Variants in LRRTM4 observed in about 807,000 individuals in gnomAD.
LRRTM4 encodes the protein leucine-rich repeat transmembrane neuronal protein 4.
Under a neutral mutation model 47.6 loss-of-function variants are expected in LRRTM4, and 25 were observed. The ratio of observed to expected loss-of-function variants is 0.53; its 90% CI spans 0.38 to 0.73. LRRTM4 has a LOEUF of 0.73. LRRTM4 is among the 30% of genes least tolerant of loss of function. The pLI, the probability that LRRTM4 is intolerant of heterozygous loss-of-function variation, is 0.00. For synonymous variants in LRRTM4, 311 were observed against 269.5 expected (o/e 1.15, Z -1.51); for missense variants, 638 against 713.4 (o/e 0.89, Z 1.20).
chr2:77,381,788 C>A (rs769644997), intron 3 of LRRTM4, among the ~76,000 whole-genome samples: 1 of 151,966 alleles, frequency 6.6e-6, no homozygotes, highest in African/African-American at 2.4e-5. Flanking sequence ...TCTACAGCTA[C>A]ACATACACAT....
chr2:77,466,009 G>A (rs1676969693), intron 3 of LRRTM4, among the ~76,000 whole-genome samples: 1 of 152,144 alleles, frequency 6.6e-6, no homozygotes, highest in African/African-American at 2.4e-5. Context: ...CATTCATAGA[G>A]CATAATGCTT....
At chr2:76,801,497 C>T (rs1254227880) in intron 3 of LRRTM4, among the ~76,000 whole-genome samples, 1 of 151,870 alleles carries the variant, frequency 6.6e-6, no homozygotes, top group Non-Finnish European at 1.5e-5. Flanking sequence ...GAGAATATCA[C>T]ACTCTGGGGA....
intron 3 of LRRTM4, among the ~76,000 whole-genome samples, chr2:77,457,066 T>A (rs1407206092): frequency 1.6e-5 from 2 of 127,354 alleles, no homozygotes; most frequent in African/African-American, 2.8e-5. Context: ...AACCTGGAAC[T>A]CTTTGACAAG....
intron 3 of LRRTM4, among the ~76,000 whole-genome samples, chr2:77,218,514 A>ATTTC (rs1389811628): frequency 6.7e-6 from 1 of 150,194 alleles, no homozygotes. Context: ...TTATTTATTT[A>ATTTC]TTTATTTATT....
intron 3 of LRRTM4, among the ~76,000 whole-genome samples, chr2:76,982,037 A>G (rs1174519702): frequency 6.6e-6 from 1 of 152,032 alleles, no homozygotes; most frequent in East Asian, 1.9e-4. Flanking sequence ...TTTGCTAACA[A>G]AAGGATTGTG....
intron 3 of LRRTM4, among the ~76,000 whole-genome samples, chr2:77,225,581 G>A (rs1674782623): frequency 6.6e-6 from 1 of 152,044 alleles, no homozygotes; most frequent in African/African-American, 2.4e-5. Context: ...ATGGAATAGT[G>A]TTACTCTCAC....
chr2:77,306,737 T>A (rs999527790), intron 3 of LRRTM4, among the ~76,000 whole-genome samples: 31 of 151,512 alleles, frequency 2.0e-4, no homozygotes, highest in Non-Finnish European at 3.7e-4. Flanking sequence ...TTTTTCCTCC[T>A]CTCAATCAGT....
chr2:77,320,065 G>A (rs986722810), intron 3 of LRRTM4, among the ~76,000 whole-genome samples: 1 of 151,978 alleles, frequency 6.6e-6, no homozygotes, highest in Admixed American at 6.6e-5. Context: ...CAGGCTTCCC[G>A]AGTCACTCTC....
chr2:77,058,892 C>G (rs1197471299), intron 3 of LRRTM4, among the ~76,000 whole-genome samples: 1 of 151,912 alleles, frequency 6.6e-6, no homozygotes, highest in African/African-American at 2.4e-5. Flanking sequence ...GACAGTAAGT[C>G]TTGGTTTTAA....
intron 3 of LRRTM4, among the ~76,000 whole-genome samples, chr2:76,849,658 TAACA>T (rs1443045000): frequency 2.0e-5 from 3 of 152,060 alleles, no homozygotes; most frequent in Non-Finnish European, 2.9e-5. Context: ...AATTCTTCCT[TAACA>T]AATAAATTCC....
At chr2:77,346,383 A>C (rs1007276667) in intron 3 of LRRTM4, among the ~76,000 whole-genome samples, 1 of 152,212 alleles carries the variant, frequency 6.6e-6, no homozygotes, top group African/African-American at 2.4e-5. Flanking sequence ...GTTTCATCTC[A>C]CTATCAATTA....
intron 3 of LRRTM4, among the ~76,000 whole-genome samples, chr2:77,059,022 C>T (rs924100126): frequency 6.6e-6 from 1 of 152,034 alleles, no homozygotes; most frequent in Non-Finnish European, 1.5e-5. Flanking sequence ...TGACTTGGGC[C>T]AGTCAAAAAG....
intron 3 of LRRTM4, among the ~76,000 whole-genome samples, chr2:77,049,061 G>C (rs1237148825): frequency 6.9e-6 from 1 of 145,226 alleles, no homozygotes; most frequent in Non-Finnish European, 1.5e-5. Flanking sequence ...ATATATCTGA[G>C]CTCATCCGTG....
At chr2:77,498,439 C>T (rs1159390961) in intron 3 of LRRTM4, among the ~76,000 whole-genome samples, 1 of 151,830 alleles carries the variant, frequency 6.6e-6, no homozygotes, top group African/African-American at 2.4e-5. Flanking sequence ...TTTTCAGTTT[C>T]TCCCTTGAAT....
intron 3 of LRRTM4, among the ~76,000 whole-genome samples, chr2:77,026,438 G>C (rs1314777681): frequency 6.6e-6 from 1 of 152,076 alleles, no homozygotes; most frequent in Non-Finnish European, 1.5e-5. Flanking sequence ...GAATGATCAT[G>C]GGAGTGGTTG....
intron 3 of LRRTM4, among the ~76,000 whole-genome samples, chr2:77,074,885 C>T (rs752266062): frequency 6.6e-6 from 1 of 151,022 alleles, no homozygotes; most frequent in Non-Finnish European, 1.5e-5. Context: ...AAACCAGTTA[C>T]ATTGGCAGAG....
At chr2:77,163,191 C>T (rs72911883) in intron 3 of LRRTM4, among the ~76,000 whole-genome samples, 6,167 of 152,016 alleles carry the variant, frequency 0.041, 422 homozygotes, top group African/African-American at 0.14. Flanking sequence ...GCACAAGCTT[C>T]GGTAGCCTAT....
chr2:76,791,229 C>G (rs564831532), intron 3 of LRRTM4, among the ~76,000 whole-genome samples: 1 of 152,092 alleles, frequency 6.6e-6, no homozygotes, highest in African/African-American at 2.4e-5. Flanking sequence ...AAAACCCTAA[C>G]GTGACTCAAA....
At chr2:76,932,696 A>C (rs1674811710) in intron 3 of LRRTM4, among the ~76,000 whole-genome samples, 1 of 152,036 alleles carries the variant, frequency 6.6e-6, no homozygotes, top group African/African-American at 2.4e-5. Context: ...ATGACATGTT[A>C]TATATATGAA....
Sources: gnomAD v4.1 joint callset for allele counts (sites outside exome capture counted in the v4.1 genomes callset) on GRCh38, gnomAD v4.1.1 for gene constraint, MANE v1.5 for transcripts, NCBI Gene and HGNC (gene_info 2026-07-23, HGNC 2026-07-21) for gene names.